CACNA1D: variants seen among roughly 807,000 people sequenced by gnomAD.
The protein encoded by CACNA1D is voltage-dependent L-type calcium channel subunit alpha-1D.
A neutral mutation model predicts 257.1 loss-of-function variants in CACNA1D; 55 were observed. The observed-to-expected ratio is 0.21, with a 90% CI of 0.17 to 0.27. CACNA1D has a LOEUF of 0.27. Among genes scored for constraint, CACNA1D ranks in the 10% least tolerant of loss-of-function variants. The pLI is 1.00. For missense variants in CACNA1D, 1,876 were observed against 2,784.0 expected (o/e 0.67, Z 7.34); for synonymous variants, 980 against 1,014.9 (o/e 0.97, Z 0.65).
chr3:53,734,474 G>A (rs9852185), intron 19 of CACNA1D, among the ~76,000 whole-genome samples: 61 of 151,808 alleles, frequency 4.0e-4, no homozygotes, highest in African/African-American at 1.5e-3. Flanking sequence ...ATACATATAT[G>A]TACATATACA....
At chr3:53,781,226 G>A (rs1266230437) in intron 38 of CACNA1D, among the ~76,000 whole-genome samples, 1 of 152,212 alleles carries the variant, frequency 6.6e-6, no homozygotes, top group Non-Finnish European at 1.5e-5. Context: ...CCATGAAAGA[G>A]CAGAAGGCAA....
intron 21 of CACNA1D, chr3:53,740,584 C>T (rs1424980204): frequency 4.1e-5 from 18 of 441,992 alleles, no homozygotes; most frequent in Non-Finnish European, 6.1e-5. Flanking sequence ...TTTTGTCTTT[C>T]GTGGTTGAGC....
intron 3 of CACNA1D, among the ~76,000 whole-genome samples, chr3:53,539,171 G>A (rs1244651829): frequency 2.0e-5 from 3 of 151,904 alleles, no homozygotes; most frequent in Admixed American, 6.6e-5. Flanking sequence ...GTGCAGTGGC[G>A]TGATTTCAGC....
At chr3:53,775,791 GTTTT>G in intron 34 of CACNA1D, 91 bp from the exon 35 acceptor site, 1 of 1,200,100 alleles carries the variant, frequency 8.3e-7, no homozygotes, top group Non-Finnish European at 1.2e-6. Context: ...AATGACTTAG[GTTTT>G]GCTCTAATTA....
At chr3:53,698,585 T>C (rs1258792858) in intron 8 of CACNA1D, among the ~76,000 whole-genome samples, 3 of 152,210 alleles carry the variant, frequency 2.0e-5, no homozygotes, top group Non-Finnish European at 2.9e-5. Context: ...TCATCCTTAC[T>C]GACTTAATTT....
chr3:53,650,727 C>G (rs1423749086), intron 3 of CACNA1D, 52 bp from the exon 4 acceptor site: 5 of 1,597,182 alleles, frequency 3.1e-6, no homozygotes, highest in African/African-American at 1.3e-5. Context: ...TCTGTCTCCT[C>G]TTCCTCCCCT....
chr3:53,741,460 G>A (rs1419214404), intron 21 of CACNA1D, among the ~76,000 whole-genome samples: 1 of 152,190 alleles, frequency 6.6e-6, no homozygotes, highest in Non-Finnish European at 1.5e-5. Context: ...TTAGTTTTTT[G>A]AGGTTGGTTT....
At chr3:53,578,680 G>A (rs1281455960) in intron 3 of CACNA1D, among the ~76,000 whole-genome samples, 2 of 152,152 alleles carry the variant, frequency 1.3e-5, no homozygotes, top group African/African-American at 4.8e-5. Flanking sequence ...GCCAGAGTAA[G>A]GAGTTTGGTG....
intron 3 of CACNA1D, among the ~76,000 whole-genome samples, chr3:53,540,932 G>A (rs2092280815): frequency 6.6e-6 from 1 of 152,152 alleles, no homozygotes; most frequent in South Asian, 2.1e-4. Flanking sequence ...AGTAGAGACA[G>A]GGTTTCACCA....
intron 47 of CACNA1D, 50 bp downstream of exon 47, chr3:53,810,348 A>C (rs760068699): frequency 2.7e-5 from 43 of 1,568,560 alleles, no homozygotes; most frequent in Non-Finnish European, 2.1e-5. Flanking sequence ...GGAGCAGCAG[A>C]GGTGCAACTG....
intron 9 of CACNA1D, among the ~76,000 whole-genome samples, chr3:53,717,727 A>C (rs2094834707): frequency 6.6e-6 from 1 of 152,194 alleles, no homozygotes; most frequent in African/African-American, 2.4e-5. Flanking sequence ...TATTGGCTTC[A>C]CAAGCTCAGC....
chr3:53,623,040 C>G (rs906191229), intron 3 of CACNA1D, among the ~76,000 whole-genome samples: 21 of 152,212 alleles, frequency 1.4e-4, no homozygotes, highest in African/African-American at 4.1e-4. Flanking sequence ...TACAGGCGCT[C>G]GCCAACACGT....
In CACNA1D at chr3:53,791,265, AGGG is replaced by A. The variant is rs2106640165; in HGVS notation, c.4923+4314_4923+4316del. On this transcript the variant is annotated intron_variant, in intron 40 of 47. Coordinates refer to ENST00000350061, the MANE Select transcript of CACNA1D (RefSeq NM_001128840.3). ...GCTCACGGTGGTTCTTTTTCGTGAA[AGGG>A]AACGTACAAAGCTTAACAGTTTTCC... 3 of 529,958 alleles carry A rather than the reference AGGG, an allele frequency of 5.7e-6. No homozygotes were observed. In the South Asian group the frequency reaches 7.3e-5, roughly 13 times the overall value. 32.8% of individuals were successfully genotyped at this position (529,958 alleles called of 1,614,324 possible).
intron 3 of CACNA1D, among the ~76,000 whole-genome samples, chr3:53,557,442 C>T (rs897612934): frequency 6.6e-6 from 1 of 151,552 alleles, no homozygotes; most frequent in East Asian, 1.9e-4. Context: ...TGCAGTGAGC[C>T]GAGATTGCGC....
chr3:53,800,193 G>C lies in CACNA1D; in HGVS notation c.4924-56G>C, dbSNP rs2095529069. The C allele has an allele frequency of 1.6e-6, 2 of 1,255,408 alleles. No homozygotes were observed. The highest frequency in any genetic ancestry group is 3.4e-5 in the Admixed American group (2 of 59,588). 77.8% of individuals were successfully genotyped at this position (1,255,408 alleles called of 1,614,324 possible). ...AGGAAGGAGCAAAGCCAGGACCCAG[G>C]CTGGCCCCAGGGCCCATGTGTGGTC... On this transcript the variant is annotated intron_variant, in intron 40 of 47. Coordinates refer to ENST00000350061, the MANE Select transcript of CACNA1D (RefSeq NM_001128840.3). This position sits in a 1 kb window ranked among gnomAD's most constrained non-coding sequence, Gnocchi z 4.3.
At chr3:53,605,822 A>T (rs1331180501) in intron 3 of CACNA1D, among the ~76,000 whole-genome samples, 2 of 152,186 alleles carry the variant, frequency 1.3e-5, no homozygotes, top group Non-Finnish European at 2.9e-5. Context: ...TGACCTGGAG[A>T]CTGCAATGCC....
At chr3:53,769,475 A>G (rs1204331436) in intron 30 of CACNA1D, among the ~76,000 whole-genome samples, 4 of 152,230 alleles carry the variant, frequency 2.6e-5, no homozygotes, top group African/African-American at 9.6e-5. Flanking sequence ...GTTGTCAGAC[A>G]TACACCACCC....
At chr3:53,770,692 G>A (rs1288330628) in intron 32 of CACNA1D, 140 bp downstream of exon 32, 1 of 753,860 alleles carries the variant, frequency 1.3e-6, no homozygotes, top group Non-Finnish European at 2.2e-6. Context: ...TGGAATGCTG[G>A]AGAGACCCAA....
chr3:53,497,476 G>A lies in CACNA1D; in HGVS notation c.377+15G>A. ...GTGGAATGGAAGTATCCTTTTTTTG[G>A]GGGAAGTCTTTCTCATTTTCTCTTT... On this transcript the variant is annotated intron_variant, in intron 2 of 47. Transcript: ENST00000350061. The A allele has an allele frequency of 6.2e-7, 1 of 1,612,188 alleles. No individual in the cohort carries two copies. Among genetic ancestry groups the A allele is most frequent in the South Asian group, 1.1e-5 (1 of 91,038 alleles).
Sources: allele counts gnomAD v4.1 joint callset (sites outside exome capture counted in the v4.1 genomes callset), GRCh38; gene constraint gnomAD v4.1.1; non-coding constraint Gnocchi (gnomAD v3.1); transcripts MANE v1.5; gene names NCBI Gene and HGNC (gene_info 2026-07-23, HGNC 2026-07-21).